Variants in SORBS2 observed in about 807,000 individuals in gnomAD.
The protein encoded by SORBS2 is sorbin and SH3 domain-containing protein 2.
SORBS2 carries 46 observed loss-of-function variants against 97.7 expected under a neutral mutation model. The observed-to-expected ratio is 0.47, with a 90% CI of 0.37 to 0.60. The LOEUF is 0.60. Ranked by LOEUF, SORBS2 falls within the 20% of genes least tolerant of loss-of-function variation. SORBS2 has a pLI of 0.00. For missense variants in SORBS2, 1,316 were observed against 1,282.3 expected, an observed-to-expected ratio of 1.03 and a Z score of -0.40; for synonymous variants, 476 against 473.4, an observed-to-expected ratio of 1.01 and a Z score of -0.07.
chr4:185,708,526 A>G (rs1435469207), intron 2 of SORBS2, among the ~76,000 whole-genome samples: 1 of 152,242 alleles, frequency 6.6e-6, no homozygotes. Context: ...TCACAGGAGC[A>G]TTCAAAAATG....
intron 2 of SORBS2, chr4:185,771,193 T>G (rs78643758): frequency 0.18 from 27,498 of 150,906 alleles, 2,704 homozygotes; most frequent in Middle Eastern, 0.27. Context: ...GTTTCACCAT[T>G]TTGGTCAGGC....
chr4:185,658,665 A>T (rs1413656984), upstream of SORBS2, among the ~76,000 whole-genome samples: 5 of 150,340 alleles, frequency 3.3e-5, no homozygotes, highest in Non-Finnish European at 5.9e-5. Context: ...TGTATTTTTC[A>T]TGAAAAATTT....
chr4:185,873,987 GT>G (rs534667935), intron 1 of SORBS2, among the ~76,000 whole-genome samples: 55 of 152,158 alleles, frequency 3.6e-4, no homozygotes, highest in Non-Finnish European at 6.2e-4. Context: ...AAAATAGTAT[GT>G]TAACTTTCAT....
At chr4:185,738,652 C>G (rs2098703590) in intron 2 of SORBS2, among the ~76,000 whole-genome samples, 1 of 152,158 alleles carries the variant, frequency 6.6e-6, no homozygotes, top group Non-Finnish European at 1.5e-5. Context: ...ATTCCACTTG[C>G]TCTATCAGAT....
At chr4:185,755,881 C>T (rs2153603930) in intron 2 of SORBS2, among the ~76,000 whole-genome samples, 2 of 152,308 alleles carry the variant, frequency 1.3e-5, no homozygotes, top group East Asian at 1.9e-4. Flanking sequence ...TCCCATACCT[C>T]CTCATGTTTA....
chr4:185,929,661 G>A (rs373121011), intron 1 of SORBS2, among the ~76,000 whole-genome samples: 1 of 151,506 alleles, frequency 6.6e-6, no homozygotes, highest in Non-Finnish European at 1.5e-5. Flanking sequence ...TCAGCCTCCC[G>A]AATAGCTGGG....
intron 12 of SORBS2, among the ~76,000 whole-genome samples, chr4:185,608,714 C>T (rs565800230): frequency 2.6e-5 from 4 of 152,266 alleles, no homozygotes; most frequent in African/African-American, 4.8e-5. Flanking sequence ...CTACCCTTAC[C>T]GGACTAGAGA....
intron 1 of SORBS2, among the ~76,000 whole-genome samples, chr4:185,808,571 G>T (rs1046259106): frequency 1.3e-5 from 2 of 152,154 alleles, no homozygotes; most frequent in African/African-American, 4.8e-5. Flanking sequence ...TATATCAAGA[G>T]TGATTCTAAG....
At chr4:185,782,520 T>C (rs2099035873) in intron 1 of SORBS2, among the ~76,000 whole-genome samples, 2 of 152,230 alleles carry the variant, frequency 1.3e-5, no homozygotes, top group Non-Finnish European at 2.9e-5. Flanking sequence ...TTTGTCTATA[T>C]ATTGCCTGGC....
intron 1 of SORBS2, among the ~76,000 whole-genome samples, chr4:185,938,008 CTTTT>C (rs529655739): frequency 1.7e-4 from 21 of 121,298 alleles, no homozygotes; most frequent in East Asian, 2.4e-4. Flanking sequence ...AGAAATCATT[CTTTT>C]TTTTTTTTTT....
At chr4:185,947,597 T>C (rs1329142394) in intron 1 of SORBS2, among the ~76,000 whole-genome samples, 1 of 130,230 alleles carries the variant, frequency 7.7e-6, no homozygotes, top group East Asian at 2.4e-4. Flanking sequence ...GATTACAAAA[T>C]CTCTTTTTTC....
At chr4:185,661,971 CCA>C (rs1237318295) in intron 5 of SORBS2, 131 bp downstream of exon 8, 8 of 933,356 alleles carry the variant, frequency 8.6e-6, no homozygotes, top group Non-Finnish European at 1.3e-5. Context: ...GTCCTCTGCC[CCA>C]GTTTCTCCCT....
intron 1 of SORBS2, among the ~76,000 whole-genome samples, chr4:185,811,280 T>TCTTTAATA (rs2099182692): frequency 1.3e-5 from 2 of 152,220 alleles, no homozygotes; most frequent in Admixed American, 1.3e-4. Flanking sequence ...GCTTCTCATG[T>TCTTTAATA]AGTTCTTTTT....
intron 4 of SORBS2, among the ~76,000 whole-genome samples, chr4:185,662,457 TC>T (rs2097536062): frequency 6.6e-6 from 1 of 152,170 alleles, no homozygotes. Flanking sequence ...TATCTGAGGG[TC>T]CAGGGAGTGG....
At chr4:185,900,897 G>A (rs2099247397) in intron 1 of SORBS2, among the ~76,000 whole-genome samples, 1 of 152,116 alleles carries the variant, frequency 6.6e-6, no homozygotes, top group South Asian at 2.1e-4. Flanking sequence ...AGTCCAAAAG[G>A]CAGTGCAATT....
chr4:185,896,170 G>A (rs1343221858), intron 1 of SORBS2, among the ~76,000 whole-genome samples: 2 of 152,174 alleles, frequency 1.3e-5, no homozygotes, highest in African/African-American at 2.4e-5. Flanking sequence ...ATTTGTCATG[G>A]GAAATAGGTA....
intron 2 of SORBS2, among the ~76,000 whole-genome samples, chr4:185,705,570 A>T (rs900346519): frequency 2.0e-5 from 3 of 151,376 alleles, no homozygotes; most frequent in African/African-American, 7.3e-5. Context: ...AATCAAAAAT[A>T]AAAAAAAATT....
At chr4:185,717,979 G>A (rs758069090) in intron 2 of SORBS2, among the ~76,000 whole-genome samples, 11 of 152,164 alleles carry the variant, frequency 7.2e-5, no homozygotes, top group Admixed American at 1.3e-4. Flanking sequence ...AGTGGCTCAC[G>A]CCTGCAACCC....
intron 1 of SORBS2, among the ~76,000 whole-genome samples, chr4:185,933,760 A>G (rs1336688670): frequency 6.6e-6 from 1 of 152,184 alleles, no homozygotes; most frequent in Admixed American, 6.5e-5. Context: ...TCATTTCCCA[A>G]AAAAAGTCAC....
Sources: gnomAD v4.1 joint callset for allele counts (sites outside exome capture counted in the v4.1 genomes callset) on GRCh38, gnomAD v4.1.1 for gene constraint, MANE v1.5 for transcripts, NCBI Gene and HGNC (gene_info 2026-07-23, HGNC 2026-07-21) for gene names.